NCOA1: variants seen among roughly 807,000 people sequenced by gnomAD.
NCOA1 encodes Hin-2 protein.
NCOA1 carries 35 observed loss-of-function variants against 150.9 expected under a neutral mutation model. That is an observed-to-expected ratio of 0.23 (90% confidence interval 0.18 to 0.31). NCOA1 has a LOEUF of 0.31. NCOA1 is among the 10% of genes least tolerant of loss of function. The probability of loss-of-function intolerance (pLI) is 1.00; values close to 1 mark genes in which losing one functional copy is unlikely to be tolerated. For missense variants in NCOA1, 1,491 were observed against 1,749.3 expected, an observed-to-expected ratio of 0.85 and a Z score of 2.63; for synonymous variants, 590 against 630.0, an observed-to-expected ratio of 0.94 and a Z score of 0.95.
intron 1 of NCOA1, among the ~76,000 whole-genome samples, chr2:24,501,549 C>T (rs907529561): frequency 1.3e-5 from 2 of 151,818 alleles, no homozygotes; most frequent in African/African-American, 4.8e-5. Context: ...TTGTATATGC[C>T]ATATCTACAT....
chr2:24,681,802 C>T (rs1390621053), intron 7 of NCOA1, among the ~76,000 whole-genome samples: 1 of 151,798 alleles, frequency 6.6e-6, no homozygotes, highest in Non-Finnish European at 1.5e-5. Context: ...GCAAGCTCCG[C>T]CTCCCGGGTT....
At chr2:24,673,586 A>G in intron 7 of NCOA1, 123 bp downstream of exon 7, 1 of 555,680 alleles carries the variant, frequency 1.8e-6, no homozygotes. Flanking sequence ...AACTTTTTAT[A>G]ATTATTTTAT....
At chr2:24,625,725 T>G (rs1669377789) in intron 3 of NCOA1, among the ~76,000 whole-genome samples, 1 of 147,678 alleles carries the variant, frequency 6.8e-6, no homozygotes, top group Non-Finnish European at 1.5e-5. Context: ...ACATTCCATT[T>G]GAAATAATTC....
At chr2:24,660,124 C>T (rs1671114801) in intron 5 of NCOA1, among the ~76,000 whole-genome samples, 1 of 152,096 alleles carries the variant, frequency 6.6e-6, no homozygotes, top group African/African-American at 2.4e-5. Flanking sequence ...AGTAAGTGTC[C>T]AGATGCTGGG....
At chr2:24,567,366 TC>T (rs1666558744) in intron 2 of NCOA1, among the ~76,000 whole-genome samples, 1 of 152,270 alleles carries the variant, frequency 6.6e-6, no homozygotes, top group South Asian at 2.1e-4. Flanking sequence ...GTATATCTTT[TC>T]TTCTTACTTT....
chr2:24,559,009 A>G (rs1197042347), intron 1 of NCOA1, among the ~76,000 whole-genome samples: 2 of 152,162 alleles, frequency 1.3e-5, no homozygotes, highest in Non-Finnish European at 2.9e-5. Flanking sequence ...GTTATGTGAC[A>G]TTCAACGTGG....
chr2:24,664,613 C>T (rs1671328978), intron 5 of NCOA1, among the ~76,000 whole-genome samples: 1 of 151,842 alleles, frequency 6.6e-6, no homozygotes, highest in Admixed American at 6.6e-5. Context: ...GAGGCTGAGG[C>T]AGAAGAATCA....
chr2:24,706,675 G>A lies in NCOA1; in HGVS notation c.1205G>A (p.Arg402His), dbSNP rs770891804. 36 of 1,605,064 alleles carry A rather than the reference G, an allele frequency of 2.2e-5. No homozygotes were observed. The highest frequency in any genetic ancestry group is 4.0e-5 in the African/African-American group (3 of 74,552). Residue 402 changes from arginine (R) to histidine (H), a missense_variant, in exon 13 of 23, where the codon CGT becomes CAT. Arg to His is a conservative substitution (Grantham distance 29, BLOSUM62 0). Transcript: ENST00000348332. ...ATCTCTCCAGCTCATGGTGTGGCTC[G>A]TTCATCCACATTGCCACCATCCAAC... The part of the protein sequence containing the change: ...PSISPAHGVA[R>H]SSTLPPSNSN...
chr2:24,647,266 G>C (rs1043729603), intron 4 of NCOA1, among the ~76,000 whole-genome samples: 1 of 152,254 alleles, frequency 6.6e-6, no homozygotes, highest in Admixed American at 6.5e-5. Flanking sequence ...TGTGACTGTA[G>C]GTTAGTGATA....
At chr2:24,572,003 AC>A (rs1432349724) in intron 2 of NCOA1, among the ~76,000 whole-genome samples, 2 of 152,048 alleles carry the variant, frequency 1.3e-5, no homozygotes, top group Admixed American at 6.6e-5. Flanking sequence ...TAACTCCTAC[AC>A]GTTAGGTAAT....
At chr2:24,710,097 A>T (rs1271884452) in intron 13 of NCOA1, among the ~76,000 whole-genome samples, 5 of 151,344 alleles carry the variant, frequency 3.3e-5, no homozygotes, top group Admixed American at 6.6e-5. Flanking sequence ...TTATTTATTT[A>T]TTTATTTATT....
chr2:24,590,272 A>G (rs1196990623), intron 3 of NCOA1, among the ~76,000 whole-genome samples: 2 of 152,228 alleles, frequency 1.3e-5, no homozygotes, highest in East Asian at 1.9e-4. Context: ...GCATGTCAGT[A>G]TCTTTTCATA....
chr2:24,705,201 A>G lies in NCOA1; in HGVS notation c.1065A>G (p.Gln355=), dbSNP rs745587801. 2.5e-6 allele frequency: 4 copies of G among 1,613,880 alleles called. No individual in the cohort carries two copies. Among genetic ancestry groups the G allele is most frequent in the Non-Finnish European group, 3.4e-6 (4 of 1,179,890 alleles). Residue 355 remains glutamine, a synonymous_variant, in exon 12 of 23, where the codon CAA becomes CAG. Coordinates refer to ENST00000348332, the MANE Select transcript of NCOA1 (RefSeq NM_003743.5). ...KLCYPQSPDM[Q]PFIMGIHIID... ...GCTACCCTCAAAGTCCAGACATGCA[A>G]CCTTTCATCATGGGAATTCATATCA...
chr2:24,579,709 GT>G (rs1473923285), intron 2 of NCOA1, among the ~76,000 whole-genome samples: 1 of 152,220 alleles, frequency 6.6e-6, no homozygotes, highest in Non-Finnish European at 1.5e-5. Flanking sequence ...GCTCAGCAGA[GT>G]TTTCAGCAGT....
chr2:24,654,757 A>T (rs1464648477), intron 4 of NCOA1, among the ~76,000 whole-genome samples: 1 of 151,152 alleles, frequency 6.6e-6, no homozygotes, highest in Non-Finnish European at 1.5e-5. Flanking sequence ...TTACTCCCCC[A>T]TCCCCCAGGT....
At chr2:24,674,927 C>G (rs1671838081) in intron 7 of NCOA1, among the ~76,000 whole-genome samples, 1 of 152,136 alleles carries the variant, frequency 6.6e-6, no homozygotes, top group Non-Finnish European at 1.5e-5. Flanking sequence ...ACTTGCTTTG[C>G]ACCATTCCCT....
Position 24,711,236 on chromosome 2 carries a change from A to G in NCOA1, c.2599+125A>G, listed in dbSNP as rs1272414485. 3.3e-6 allele frequency: 3 copies of G among 902,432 alleles called. No individual in the cohort carries two copies. In the African/African-American group the frequency reaches 5.1e-5, roughly 15 times the overall value. The allele number at this position is 902,432 out of a possible 1,614,324, so 55.9% of individuals were successfully genotyped here. ...GAAATATCTTTTTATTAATGCCACT[A>G]TAAATAATAAAACAGTTATATTTAG... On this transcript the variant is annotated intron_variant, in intron 14 of 22. Coordinates refer to ENST00000348332, the MANE Select transcript of NCOA1 (RefSeq NM_003743.5).
rs147364119 is a variant in NCOA1 at position 24,531,698 on chromosome 2, C to T, written c.-395-32597C>T. 1.7e-4 allele frequency among the ~76,000 whole-genome samples: 26 copies of T among 152,252 alleles called. No individual in the cohort carries two copies. The East Asian group carries it at 3.7e-3, about 21-fold the overall frequency. ...TTCAGTTCCCACCTGTGAATGAGAA[C>T]ATACGGTGTTTGGTTTTCTGCCCAT... On this transcript the variant is annotated intron_variant, in intron 1 of 22. Transcript: ENST00000348332.
chr2:24,547,397 TC>T (rs1226998842), intron 1 of NCOA1, among the ~76,000 whole-genome samples: 1 of 152,192 alleles, frequency 6.6e-6, no homozygotes, highest in Admixed American at 6.5e-5. Context: ...TTGCAAATCT[TC>T]CAAAACATCT....
Sources: allele counts gnomAD v4.1 joint callset (sites outside exome capture counted in the v4.1 genomes callset), GRCh38; gene constraint gnomAD v4.1.1; transcripts MANE v1.5; gene names NCBI Gene and HGNC (gene_info 2026-07-23, HGNC 2026-07-21).